CFAP47: variants seen among roughly 807,000 people sequenced by gnomAD.
CFAP47 encodes the protein cilia and flagella associated protein 47.
A neutral mutation model predicts 148.1 loss-of-function variants in CFAP47; 29 were observed. The observed-to-expected ratio is 0.20, with a 90% CI of 0.15 to 0.27. CFAP47 has a LOEUF of 0.27. Among genes scored for constraint, CFAP47 ranks in the 10% least tolerant of loss-of-function variants. The pLI is 1.00. For missense variants in CFAP47, 1,872 were observed against 1,697.5 expected (o/e 1.10, Z -1.81); for synonymous variants, 664 against 577.3 (o/e 1.15, Z -2.15).
chrX:36,325,574 A>G (rs1941511499), intron 57 of CFAP47, among the ~76,000 whole-genome samples: 1 of 111,695 alleles, frequency 9.0e-6, no homozygotes, highest in South Asian at 3.8e-4. Context: ...GAGTGCTCTG[A>G]GGATCAACAC....
At chrX:35,982,987 T>A (rs2146676830) in intron 15 of CFAP47, among the ~76,000 whole-genome samples, 1 of 112,230 alleles carries the variant, frequency 8.9e-6, no homozygotes, top group East Asian at 2.8e-4. Context: ...ATTCTAATTT[T>A]GTGAAGAATG....
In CFAP47 at chrX:36,301,117, G is replaced by A. The variant is rs1941294463; in HGVS notation, c.7908G>A (p.Leu2636=). Residue 2636 remains leucine, a synonymous_variant, in exon 53 of 64, where the codon CTG becomes CTA. Transcript: ENST00000378653. ...PEMAEEFWYL[L]KLTIELPKPT... is the part of the protein sequence containing the mutation. Reference sequence around the variant, plus strand: ...TGGCTGAAGAGTTCTGGTATTTACTGAAGTTAACTATTGAATTACCAAAAC... The same window carrying A: ...TGGCTGAAGAGTTCTGGTATTTACTAAAGTTAACTATTGAATTACCAAAAC... The A allele has an allele frequency of 8.6e-7, 1 of 1,160,197 alleles. No individual in the cohort carries two copies. The highest frequency in any genetic ancestry group is 2.6e-5 in the Admixed American group (1 of 38,181).
intron 59 of CFAP47, among the ~76,000 whole-genome samples, chrX:36,351,217 C>T (rs1327568766): frequency 1.8e-5 from 2 of 111,576 alleles, no homozygotes; most frequent in Non-Finnish European, 3.8e-5. Flanking sequence ...TGTAGTAATA[C>T]CTTTGACCAC....
In CFAP47 at chrX:36,003,621, A is replaced by G. The variant is rs1437750329; in HGVS notation, c.3417+1914A>G. 2.7e-5 allele frequency among the ~76,000 whole-genome samples: 3 copies of G among 110,297 alleles called. No homozygotes were observed. The East Asian group carries it at 8.5e-4, about 31-fold the overall frequency. ...TTTAAACTAGGTATTGAAGGAACAC[A>G]CCTCAAAATAATAAGAGCCATCTAT... On this transcript the variant is annotated intron_variant, in intron 21 of 63. Coordinates refer to ENST00000378653, the MANE Select transcript of CFAP47 (RefSeq NM_001304548.2).
At chrX:36,079,069 T>G in intron 29 of CFAP47, among the ~76,000 whole-genome samples, 1 of 112,066 alleles carries the variant, frequency 8.9e-6, no homozygotes, top group Non-Finnish European at 1.9e-5. Context: ...TGGACTTCCC[T>G]TTGTGGGTAA....
chrX:36,078,659 A>C (rs1019036380), intron 29 of CFAP47, among the ~76,000 whole-genome samples: 5 of 111,196 alleles, frequency 4.5e-5, no homozygotes, highest in Non-Finnish European at 7.5e-5. Context: ...TCTTTATCCA[A>C]TCTGCCAGTC....
At chrX:36,076,149 G>C (rs187041322) in intron 29 of CFAP47, among the ~76,000 whole-genome samples, 1 of 108,126 alleles carries the variant, frequency 9.2e-6, no homozygotes, top group African/African-American at 3.4e-5. Context: ...CCTACCAATA[G>C]TATTTAAACA....
chrX:36,008,226 T>C (rs1260117214), intron 21 of CFAP47, among the ~76,000 whole-genome samples: 1 of 111,754 alleles, frequency 8.9e-6, no homozygotes, highest in Non-Finnish European at 1.9e-5. Context: ...TCAGCTCTGA[T>C]TCCCCTCACA....
At chrX:36,084,246 G>A (rs73470936) in intron 29 of CFAP47, among the ~76,000 whole-genome samples, 2,869 of 110,849 alleles carry the variant, frequency 0.026, 91 homozygotes, top group African/African-American at 0.089. Flanking sequence ...CTGAATGTCT[G>A]TTTTTATTGC....
intron 57 of CFAP47, among the ~76,000 whole-genome samples, chrX:36,334,578 G>T: frequency 9.0e-6 from 1 of 110,999 alleles, no homozygotes; most frequent in Non-Finnish European, 1.9e-5. Flanking sequence ...GATGACACCT[G>T]AAGAGTTGAG....
At chrX:36,161,757 C>A (rs770752208) in intron 39 of CFAP47, among the ~76,000 whole-genome samples, 2 of 111,907 alleles carry the variant, frequency 1.8e-5, no homozygotes, top group South Asian at 3.7e-4. Context: ...ATTTCCAGTT[C>A]TTTTAATCAC....
At chrX:36,208,870 G>C (rs2146887440) in intron 45 of CFAP47, among the ~76,000 whole-genome samples, 1 of 110,733 alleles carries the variant, frequency 9.0e-6, no homozygotes, top group East Asian at 2.9e-4. Flanking sequence ...GGAGGCTGAG[G>C]CAGGAGAATT....
chrX:36,224,326 A>G lies in CFAP47; in HGVS notation c.6818-4302A>G, dbSNP rs782767235. 1.9e-3 allele frequency among the ~76,000 whole-genome samples: 209 copies of G among 111,732 alleles called. 1 individual carries two copies. The highest frequency in any genetic ancestry group is 6.4e-3 in the African/African-American group (198 of 30,827). On this transcript the variant is annotated intron_variant, in intron 45 of 63. Transcript: ENST00000378653. Reference sequence around the variant, plus strand: ...TAAGGTCACACAATGTAGAATTGGAACCAAAACTGAAAAAAAGTGTTTTAA... The same window carrying G: ...TAAGGTCACACAATGTAGAATTGGAGCCAAAACTGAAAAAAAGTGTTTTAA...
rs904624790 is a variant in CFAP47 at position 36,141,200 on chromosome X, C to G, written c.5535+2736C>G. Among the ~76,000 whole-genome samples, 6 of 109,895 alleles carry G rather than the reference C, an allele frequency of 5.5e-5. No individual in the cohort carries two copies. The Admixed American group carries it at 5.9e-4, about 11-fold the overall frequency. On this transcript the variant is annotated intron_variant, in intron 35 of 63. Transcript: ENST00000378653. The stretch of plus-strand genomic sequence containing the variant: ...AGTCTCATGATAGGCTGCCTGCAAG[C>G]TGGAACACAGAAGAGCTGGTGGCAT...
intron 48 of CFAP47, among the ~76,000 whole-genome samples, chrX:36,244,123 C>T (rs184526576): frequency 5.9e-4 from 65 of 110,655 alleles, no homozygotes; most frequent in Non-Finnish European, 1.1e-3. Context: ...AAATAACTTG[C>T]GCCTGAGTAA....
At chrX:36,334,243 C>T (rs1556014480) in intron 57 of CFAP47, among the ~76,000 whole-genome samples, 1 of 110,853 alleles carries the variant, frequency 9.0e-6, no homozygotes, top group African/African-American at 3.3e-5. Context: ...AAATGAGAAC[C>T]TCCAAAAGCT....
intron 45 of CFAP47, among the ~76,000 whole-genome samples, chrX:36,226,067 G>T (rs1316800342): frequency 5.4e-5 from 6 of 111,941 alleles, no homozygotes; most frequent in Admixed American, 3.8e-4. Flanking sequence ...CAAGAAAACA[G>T]ATTTTTTTGT....
chrX:36,276,120 G>T (rs1380970965), intron 49 of CFAP47, among the ~76,000 whole-genome samples: 7 of 110,107 alleles, frequency 6.4e-5, no homozygotes, highest in Admixed American at 2.0e-4. Context: ...TCAAGTCCCT[G>T]TTGTTTTGCA....
At chrX:36,130,256 G>A (rs115134689) in intron 33 of CFAP47, among the ~76,000 whole-genome samples, 2 of 110,829 alleles carry the variant, frequency 1.8e-5, no homozygotes, top group African/African-American at 6.6e-5. Flanking sequence ...GATAAAAAAT[G>A]GGCAAAAAAT....
Sources: gnomAD v4.1 joint callset for allele counts (sites outside exome capture counted in the v4.1 genomes callset) on GRCh38, gnomAD v4.1.1 for gene constraint, MANE v1.5 for transcripts, NCBI Gene and HGNC (gene_info 2026-07-23, HGNC 2026-07-21) for gene names.